Variants in GRK4 observed in about 807,000 individuals in gnomAD.
The protein encoded by GRK4 is G protein-coupled receptor kinase 2-like.
In GRK4, 73 loss-of-function variants were observed where a neutral mutation model predicts 77.9. The observed-to-expected ratio is 0.94, with a 90% CI of 0.78 to 1.14. GRK4 has a LOEUF of 1.14. Among genes scored for constraint, GRK4 ranks in the 50% most tolerant of loss-of-function variants. The pLI is 0.00. For missense variants in GRK4, 729 were observed against 700.2 expected, an observed-to-expected ratio of 1.04 and a Z score of -0.46; for synonymous variants, 257 against 254.4, an observed-to-expected ratio of 1.01 and a Z score of -0.10.
At chr4:3,012,312 G>A (rs114176204) in intron 7 of GRK4, among the ~76,000 whole-genome samples, 135 of 152,194 alleles carry the variant, frequency 8.9e-4, no homozygotes, top group African/African-American at 3.1e-3. Context: ...AGGAGGTTAG[G>A]AAATATTACC....
intron 4 of GRK4, among the ~76,000 whole-genome samples, chr4:3,001,540 G>T (rs986771246): frequency 4.0e-5 from 6 of 151,654 alleles, no homozygotes; most frequent in African/African-American, 1.2e-4. Context: ...CTAAATTTTT[G>T]TATTTTTAGT....
Position 2,965,162 on chromosome 4 carries a change from C to A in GRK4, c.52+1040C>A. The A allele has an allele frequency of 6.3e-6, 4 of 637,454 alleles. No homozygotes were observed. In the South Asian group the frequency reaches 7.0e-5, roughly 11 times the overall value. 39.5% of individuals were successfully genotyped at this position (637,454 alleles called of 1,614,324 possible). A position where few individuals can be genotyped will look rare whatever the true frequency, so the allele number is the denominator to read the frequency against. The stretch of plus-strand genomic sequence containing the variant: ...TGCTTAGTCTTTGTTCAAGGCTCAG[C>A]TTTTTGGATGTGAATCCACTGAGCT... On this transcript the variant is annotated intron_variant, in intron 1 of 15. Coordinates refer to ENST00000398052, the MANE Select transcript of GRK4 (RefSeq NM_182982.3).
chr4:2,985,179 G>A (rs896799558), intron 2 of GRK4, among the ~76,000 whole-genome samples: 8 of 151,700 alleles, frequency 5.3e-5, no homozygotes, highest in African/African-American at 1.9e-4. Flanking sequence ...TTGGGAGGCC[G>A]AGGTGGGCGG....
In GRK4 at chr4:3,028,066, G is replaced by A. The variant is rs1245709705; in HGVS notation, c.1060+65G>A. 7 of 1,410,002 alleles carry A rather than the reference G, an allele frequency of 5.0e-6. No individual in the cohort carries two copies. In the South Asian group the frequency reaches 8.1e-5, roughly 16 times the overall value. 87.3% of individuals were successfully genotyped at this position (1,410,002 alleles called of 1,614,324 possible). ...GGGTGCCTGAGTGCCTCAGAACACA[G>A]AGAAATCCACCCTGAATGGACCGGG... On this transcript the variant is annotated intron_variant, in intron 11 of 15. Coordinates refer to ENST00000398052, the MANE Select transcript of GRK4 (RefSeq NM_182982.3).
chr4:3,031,603 G>C (rs898697362), intron 12 of GRK4, among the ~76,000 whole-genome samples: 3 of 152,230 alleles, frequency 2.0e-5, no homozygotes, highest in African/African-American at 4.8e-5. Flanking sequence ...CGAGGAAATG[G>C]ACACAGGGAA....
intron 1 of GRK4, among the ~76,000 whole-genome samples, chr4:2,978,729 G>A (rs1269203730): frequency 6.6e-6 from 1 of 152,124 alleles, no homozygotes; most frequent in East Asian, 1.9e-4. Flanking sequence ...AGGGTCGATT[G>A]GGCCCAGGGG....
In GRK4 at chr4:2,984,514, A is replaced by G. The variant is rs1472832784; in HGVS notation, c.54A>G (p.Gly18=). 1 of 1,602,538 alleles carries G rather than the reference A, an allele frequency of 6.2e-7. No individual in the cohort carries two copies. Among genetic ancestry groups the G allele is most frequent in the Admixed American group, 1.7e-5 (1 of 59,516 alleles). ...TTGCCTTTTTTCTCCCAAATTCAGG[A>G]GGATATGGCAAAAAAAGTGGTCGTA... ...ANSLLLKARQ[G]GYGKKSGRSK... The change falls in exon 2 of 16, where the codon GGA becomes GGG. Residue 18 remains glycine, a splice_region_variant and synonymous_variant. Transcript: ENST00000398052.
chr4:2,980,800 G>A lies in GRK4; in HGVS notation c.53-3713G>A, dbSNP rs536766316. 1.0e-3 allele frequency among the ~76,000 whole-genome samples: 152 copies of A among 152,302 alleles called. 1 individual carries two copies. The highest frequency in any genetic ancestry group is 3.3e-3 in the African/African-American group (138 of 41,560). ...GCTGGAGACTTCTGTGGCCAGTGGC[G>A]GCTTTACCTGAGTTTTGCTTGGGCC... On this transcript the variant is annotated intron_variant, in intron 1 of 15. Coordinates refer to ENST00000398052, the MANE Select transcript of GRK4 (RefSeq NM_182982.3).
intron 8 of GRK4, among the ~76,000 whole-genome samples, chr4:3,016,748 A>C (rs1454245632): frequency 1.3e-5 from 2 of 152,040 alleles, no homozygotes; most frequent in Non-Finnish European, 2.9e-5. Flanking sequence ...AAAACAAAAA[A>C]AACCCCCGTG....
chr4:2,991,383 A>G (rs1168778018), intron 3 of GRK4, among the ~76,000 whole-genome samples: 1 of 152,202 alleles, frequency 6.6e-6, no homozygotes, highest in Non-Finnish European at 1.5e-5. Flanking sequence ...ACCTGGATTT[A>G]TGTTTGAGTG....
chr4:3,012,553 A>G (rs1340502540), intron 7 of GRK4, among the ~76,000 whole-genome samples: 1 of 152,230 alleles, frequency 6.6e-6, no homozygotes, highest in African/African-American at 2.4e-5. Flanking sequence ...TTATTGATAG[A>G]TAAAATTAAA....
chr4:3,018,106 T>A (rs1735065478), intron 8 of GRK4, among the ~76,000 whole-genome samples: 1 of 151,248 alleles, frequency 6.6e-6, no homozygotes, highest in African/African-American at 2.4e-5. Context: ...GATGGGGGTC[T>A]CACTATATTG....
intron 5 of GRK4, among the ~76,000 whole-genome samples, chr4:3,005,389 T>A (rs926186508): frequency 2.0e-5 from 3 of 152,154 alleles, no homozygotes. Context: ...GTCCAGGAGA[T>A]GAGCCGGCGA....
intron 11 of GRK4, 90 bp downstream of exon 11, chr4:3,028,091 G>A: frequency 8.7e-7 from 1 of 1,150,762 alleles, no homozygotes; most frequent in Non-Finnish European, 1.3e-6. Context: ...AATGGACCGG[G>A]GCCTCGGTTT....
chr4:2,967,320 A>G (rs556847548), intron 1 of GRK4, among the ~76,000 whole-genome samples: 5 of 152,354 alleles, frequency 3.3e-5, no homozygotes, highest in Admixed American at 2.0e-4. Context: ...TTGGCAGATG[A>G]TGCTGCACTG....
rs368670185 is a variant in GRK4 at position 3,029,261 on chromosome 4, G to C, written c.1121G>C (p.Cys374Ser). The change falls in exon 12 of 16, where the codon TGT (cysteine) becomes TCT (serine). Residue 374 changes from cysteine to serine, a missense_variant. Cys to Ser is a moderately radical substitution (Grantham distance 112). Transcript: ENST00000398052. ...TFSPDWWGLG[C>S]LIYEMIQGHS... ...AGTCCCGATTGGTGGGGACTTGGCT[G>C]TCTGATCTATGAAATGATTCAGGGA... is the stretch of plus-strand genomic sequence containing the variant. The C allele has an allele frequency of 6.2e-7, 1 of 1,614,190 alleles. No homozygotes were observed. Among genetic ancestry groups the C allele is most frequent in the South Asian group, 1.1e-5 (1 of 91,086 alleles).
Position 3,010,229 on chromosome 4 carries a change from GT to G in GRK4, c.600+522del, listed in dbSNP as rs201484947. On this transcript the variant is annotated intron_variant, in intron 7 of 15. Coordinates refer to ENST00000398052, the MANE Select transcript of GRK4 (RefSeq NM_182982.3). Reference sequence around the variant, plus strand: ...AGGGGTGTTTTTTTTGTTTTGTTTTGTTTTGTTTTGTTTTGAGATGGAGTTT... The same window carrying G: ...AGGGGTGTTTTTTTTGTTTTGTTTTGTTTGTTTTGTTTTGAGATGGAGTTT... Among the ~76,000 whole-genome samples the G allele has an allele frequency of 1.0e-2, 1,516 of 152,018 alleles. 27 individuals carry two copies. Among genetic ancestry groups the G allele is most frequent in the African/African-American group, 0.034 (1,410 of 41,472 alleles).
chr4:3,000,239 C>T (rs1326187032), intron 4 of GRK4, among the ~76,000 whole-genome samples: 2 of 152,172 alleles, frequency 1.3e-5, no homozygotes, highest in Non-Finnish European at 2.9e-5. Context: ...TAGCTTACCT[C>T]CCTCTCTCTC....
intron 1 of GRK4, among the ~76,000 whole-genome samples, chr4:2,964,370 C>G (rs1336206889): frequency 2.0e-5 from 3 of 152,140 alleles, no homozygotes; most frequent in Non-Finnish European, 2.9e-5. Flanking sequence ...CTGCGCTTTG[C>G]TCTTCTTAGT....
Sources: allele counts gnomAD v4.1 joint callset (sites outside exome capture counted in the v4.1 genomes callset), GRCh38; gene constraint gnomAD v4.1.1; transcripts MANE v1.5; gene names NCBI Gene and HGNC (gene_info 2026-07-23, HGNC 2026-07-21).